The following CFAP410 variants were observed in gnomAD, a reference collection of about 807,000 sequenced individuals.
CFAP410 encodes cilia and flagella associated protein 410.
In CFAP410, 27 loss-of-function variants were observed where a neutral mutation model predicts 25.7. That is an observed-to-expected ratio of 1.05 (90% CI 0.77 to 1.45). The LOEUF (loss-of-function observed/expected upper bound fraction) is 1.45. CFAP410 is among the 40% of genes most tolerant of loss of function. The pLI is 0.00. For synonymous variants in CFAP410, 178 were observed against 158.4 expected, an observed-to-expected ratio of 1.12 and a Z score of -0.93; for missense variants, 428 against 354.1, an observed-to-expected ratio of 1.21 and a Z score of -1.67.
At chr21:44,334,078 C>T (rs1369795522) in intron 3 of CFAP410, 1 of 455,928 alleles carries the variant, frequency 2.2e-6, no homozygotes, top group East Asian at 7.0e-5. Context: ...AAAACTCCGG[C>T]TGTGGGACTC....
At chr21:44,336,312 A>T (rs1269971547) in intron 2 of CFAP410, among the ~76,000 whole-genome samples, 1 of 152,202 alleles carries the variant, frequency 6.6e-6, no homozygotes, top group Non-Finnish European at 1.5e-5. Context: ...TGCTGCCAGC[A>T]GTGGAGACAG....
In CFAP410 at chr21:44,334,732, C is replaced by T. The variant is rs1030882088; in HGVS notation, c.143+1026G>A. On this transcript the variant is annotated intron_variant, in intron 3 of 6. Transcript: ENST00000339818. ...GGCTGAGATTTGACCCATGAGCATG[C>T]CTCCAAGCCCATTTCATTCATTCAG... is the stretch of plus-strand genomic sequence containing the variant. The T allele has an allele frequency of 4.2e-5, 9 of 213,866 alleles. 1 individual carries two copies. In the South Asian group the frequency reaches 4.4e-4, roughly 11 times the overall value. The allele number at this position is 213,866 out of a possible 1,614,324, so 13.2% of individuals were successfully genotyped here.
In CFAP410 at chr21:44,338,301, C is replaced by T. The variant is rs886303285; in HGVS notation, c.78-634G>A. 9 of 1,288,988 alleles carry T rather than the reference C, an allele frequency of 7.0e-6. No individual in the cohort carries two copies. In the African/African-American group the frequency reaches 7.6e-5, roughly 11 times the overall value. 79.8% of individuals were successfully genotyped at this position (1,288,988 alleles called of 1,614,324 possible). On this transcript the variant is annotated intron_variant, in intron 1 of 6. Coordinates refer to ENST00000339818, the MANE Select transcript of CFAP410 (RefSeq NM_004928.3). ...TCGCTGACCCCCACACCCGCCTGCACGGTGAGGCCAGTTGACACGGCGCGG... is the reference window on the plus strand; with the variant it reads ...TCGCTGACCCCCACACCCGCCTGCATGGTGAGGCCAGTTGACACGGCGCGG...
At chr21:44,333,841 C>T (rs1482678876) in intron 3 of CFAP410, 2 of 352,078 alleles carry the variant, frequency 5.7e-6, no homozygotes, top group African/African-American at 4.3e-5. Context: ...GTCCCCTCCA[C>T]AAGCGAACAC....
chr21:44,335,871 C>T (rs2047742968), intron 2 of CFAP410, 67 bp from the exon 3 acceptor site: 8 of 1,240,796 alleles, frequency 6.4e-6, no homozygotes, highest in South Asian at 5.1e-5. Context: ...CTGCCATCAG[C>T]CACAGAGAAC....
In CFAP410 at chr21:44,339,175, A is replaced by G. The variant is rs975938807; in HGVS notation, c.20T>C (p.Met7Thr). ...CGAGGCCTTGGCCCGGGTCAGAACCATCTTCCGCGTCAGCTTCATGGCGGC... is the reference window on the plus strand; with the variant it reads ...CGAGGCCTTGGCCCGGGTCAGAACCGTCTTCCGCGTCAGCTTCATGGCGGC... MKLTRK[M>T]VLTRAKASEL... The change falls in exon 1 of 7, where the codon ATG becomes ACG. Residue 7 changes from methionine (M) to threonine (T), a missense_variant. Transcript: ENST00000339818. 9 of 1,468,156 alleles carry G rather than the reference A, an allele frequency of 6.1e-6. No individual in the cohort carries two copies. The Admixed American group carries it at 7.5e-5, about 12-fold the overall frequency. 90.9% of individuals were successfully genotyped at this position (1,468,156 alleles called of 1,614,324 possible).
chr21:44,332,971 TG>T, intron 4 of CFAP410, 61 bp downstream of exon 4: 1 of 1,123,810 alleles, frequency 8.9e-7, no homozygotes, highest in Non-Finnish European at 1.3e-6. Context: ...AAAAGAGGGC[TG>T]GGGACATCCC....
intron 5 of CFAP410, chr21:44,331,624 A>C: frequency 1.8e-6 from 1 of 550,818 alleles, no homozygotes; most frequent in East Asian, 3.3e-5. Flanking sequence ...GCTCCCTGGC[A>C]CATCCGCTGT....
intron 6 of CFAP410, chr21:44,330,586 CA>C: frequency 6.5e-7 from 1 of 1,549,876 alleles, no homozygotes; most frequent in South Asian, 1.2e-5. Context: ...CAGACCAGGA[CA>C]GCAGGAGAGG....
rs778880876 is a variant in CFAP410, at chr21:44,330,791, G to C, written c.642+32C>G. ...TGTGCAGTGGGTGCAGTGGGCAGAG[G>C]CAGCCGCGGCCCCTAGCGGCCCGCC... On this transcript the variant is annotated intron_variant, in intron 6 of 6. Transcript: ENST00000339818. 3.2e-6 allele frequency: 5 copies of C among 1,561,344 alleles called. No individual in the cohort carries two copies. In the South Asian group the frequency reaches 5.9e-5, roughly 18 times the overall value.
Position 44,337,682 on chromosome 21 carries a change from G to C in CFAP410, c.78-15C>G, listed in dbSNP as rs763529629. On this transcript the variant is annotated splice_polypyrimidine_tract_variant and intron_variant, in intron 1 of 6. Transcript: ENST00000339818. ...GGCGGCTGCCCCTGGGGAGAGAAAA[G>C]ATACATACTTTAATTTTGTTAAAGT... 6.2e-6 allele frequency: 10 copies of C among 1,607,406 alleles called. No individual in the cohort carries two copies. Among genetic ancestry groups the C allele is most frequent in the Non-Finnish European group, 8.5e-6 (10 of 1,176,246 alleles).
At chr21:44,332,248 A>G in intron 4 of CFAP410, 2 of 464,898 alleles carry the variant, frequency 4.3e-6, no homozygotes, top group South Asian at 4.2e-5. Flanking sequence ...AGGAATCTCA[A>G]CACCAGCCTT....
At position 44,337,163 on chromosome 21, in the gene CFAP410, T is replaced by C. The variant is rs146383659; in HGVS notation, c.96+486A>G. 4.6e-5 allele frequency among the ~76,000 whole-genome samples: 7 copies of C among 151,048 alleles called. 1 individual carries two copies. In the East Asian group the frequency reaches 1.4e-3, roughly 29 times the overall value. On this transcript the variant is annotated intron_variant, in intron 2 of 6. Coordinates refer to ENST00000339818, the MANE Select transcript of CFAP410 (RefSeq NM_004928.3). ...GGACATTTTGGACTGAGAAAGACAA[T>C]GAGGGAGAGAAGAAAAAAATCTTTC...
intron 5 of CFAP410, 72 bp downstream of exon 5, chr21:44,331,771 C>A (rs1166106832): frequency 6.9e-7 from 1 of 1,443,976 alleles, no homozygotes; most frequent in African/African-American, 1.4e-5. Context: ...CGGGAAGCCC[C>A]ATTCACTCCC....
intron 3 of CFAP410, chr21:44,333,679 G>A: frequency 3.3e-6 from 1 of 298,590 alleles, no homozygotes; most frequent in Non-Finnish European, 6.4e-6. Context: ...ACGTGACATG[G>A]GAGTGAGCAC....
intron 2 of CFAP410, among the ~76,000 whole-genome samples, chr21:44,336,581 G>A (rs1350665450): frequency 6.6e-6 from 1 of 152,174 alleles, no homozygotes; most frequent in East Asian, 1.9e-4. Context: ...CGCCAGGCAT[G>A]GCACCAGCAG....
chr21:44,338,830 G>A (rs1471421073), intron 1 of CFAP410: 4 of 90,368 alleles, frequency 4.4e-5, no homozygotes, highest in Non-Finnish European at 8.6e-5. Context: ...TCCTCCCTCC[G>A]GCTCCGCCCT....
Position 44,329,933 on chromosome 21 carries a change from T to G in CFAP410, c.*265A>C. 2.3e-6 allele frequency: 1 copy of G among 435,742 alleles called. No homozygotes were observed. Among genetic ancestry groups the G allele is most frequent in the South Asian group, 4.4e-5 (1 of 22,552 alleles). The allele number at this position is 435,742 out of a possible 1,614,324, so 27.0% of individuals were successfully genotyped here. A position where few individuals can be genotyped will look rare whatever the true frequency, so the allele number is the denominator to read the frequency against. On this transcript the variant is annotated 3_prime_UTR_variant, in exon 7 of 7. Transcript: ENST00000339818. The stretch of plus-strand genomic sequence containing the variant: ...TTATTAGGGAGGACAGCCTGCAAAA[T>G]CCTCCCTTTAAGAGCCCAGGCCAGC...
chr21:44,331,224 C>CG (rs2047642277), intron 5 of CFAP410: 9 of 474,752 alleles, frequency 1.9e-5, no homozygotes, highest in Non-Finnish European at 3.0e-5. Flanking sequence ...ACACAAATGC[C>CG]GGGGGAGAGC....
Sources: gnomAD v4.1 joint callset for allele counts (sites outside exome capture counted in the v4.1 genomes callset) on GRCh38, gnomAD v4.1.1 for gene constraint, MANE v1.5 for transcripts, NCBI Gene and HGNC (gene_info 2026-07-23, HGNC 2026-07-21) for gene names.